Variants in ATP2B1 observed in about 807,000 individuals in gnomAD.
ATP2B1 encodes ATPase plasma membrane Ca2+ transporting 1.
ATP2B1 carries 14 observed loss-of-function variants against 124.2 expected under a neutral mutation model. The observed-to-expected ratio is 0.11, with a 90% CI of 0.07 to 0.18. The LOEUF (loss-of-function observed/expected upper bound fraction) is 0.18. ATP2B1 is among the 10% of genes least tolerant of loss of function. ATP2B1 has a pLI of 1.00. For missense variants in ATP2B1, 763 were observed against 1,466.1 expected (o/e 0.52, Z 7.83); for synonymous variants, 449 against 492.4 (o/e 0.91, Z 1.17).
intron 1 of ATP2B1, among the ~76,000 whole-genome samples, chr12:89,674,108 T>C (rs940203009): frequency 6.6e-6 from 1 of 152,166 alleles, no homozygotes; most frequent in African/African-American, 2.4e-5. Flanking sequence ...ATGGTAGGTG[T>C]TGGGGACACA....
At chr12:89,643,065 T>TACACAC (rs145355576) in intron 2 of ATP2B1, among the ~76,000 whole-genome samples, 18,759 of 143,522 alleles carry the variant, frequency 0.13, 1,524 homozygotes, top group South Asian at 0.33. Context: ...TAAAGATACA[T>TACACAC]ACACACACAC....
At chr12:89,632,842 G>A (rs79520349) in intron 5 of ATP2B1, among the ~76,000 whole-genome samples, 186 of 152,244 alleles carry the variant, frequency 1.2e-3, no homozygotes, top group African/African-American at 4.4e-3. Context: ...AATTTATAGA[G>A]TTCTCCTGGT....
At chr12:89,633,275 G>A (rs543559800) in intron 5 of ATP2B1, among the ~76,000 whole-genome samples, 2 of 151,926 alleles carry the variant, frequency 1.3e-5, no homozygotes, top group African/African-American at 4.8e-5. Context: ...TCCAAACAGG[G>A]TGTGAATGTT....
At chr12:89,703,025 T>C (rs1163901938) in intron 1 of ATP2B1, among the ~76,000 whole-genome samples, 2 of 152,214 alleles carry the variant, frequency 1.3e-5, no homozygotes, top group Non-Finnish European at 2.9e-5. Context: ...TTACAAGCTA[T>C]GATTCCTAAA....
At chr12:89,675,286 T>C (rs1888469573) in intron 1 of ATP2B1, among the ~76,000 whole-genome samples, 1 of 152,184 alleles carries the variant, frequency 6.6e-6, no homozygotes, top group Admixed American at 6.5e-5. Context: ...GTTCTAGCAA[T>C]AAGCTTATAC....
At chr12:89,621,943 T>G (rs1250203997) in intron 9 of ATP2B1, 152 bp from the exon 10 acceptor site, 25 of 816,048 alleles carry the variant, frequency 3.1e-5, no homozygotes, top group Non-Finnish European at 4.2e-5. Context: ...CTGAAATTTT[T>G]TTTTTTTTAG....
chr12:89,610,293 G>C (rs916725867), intron 14 of ATP2B1, 128 bp downstream of exon 14: 7 of 871,500 alleles, frequency 8.0e-6, no homozygotes, highest in East Asian at 2.5e-5. Flanking sequence ...CAAAGGAAAT[G>C]TATTTAGATT....
At chr12:89,634,240 T>C (rs947171098) in intron 5 of ATP2B1, among the ~76,000 whole-genome samples, 1 of 152,134 alleles carries the variant, frequency 6.6e-6, no homozygotes, top group Non-Finnish European at 1.5e-5. Flanking sequence ...CTGCTAGACC[T>C]ACTCTTGGTT....
intron 2 of ATP2B1, among the ~76,000 whole-genome samples, chr12:89,654,358 C>T (rs534212554): frequency 2.0e-5 from 3 of 152,286 alleles, no homozygotes; most frequent in Non-Finnish European, 4.4e-5. Flanking sequence ...TGGGATCAAT[C>T]TTGTAGTAAT....
At chr12:89,686,780 G>A (rs1254660930) in intron 1 of ATP2B1, among the ~76,000 whole-genome samples, 2 of 152,018 alleles carry the variant, frequency 1.3e-5, no homozygotes, top group Non-Finnish European at 2.9e-5. Flanking sequence ...GTATAAACAT[G>A]CACAGATGCA....
chr12:89,707,013 C>T (rs1892533364), intron 1 of ATP2B1, among the ~76,000 whole-genome samples: 1 of 63,558 alleles, frequency 1.6e-5, no homozygotes, highest in East Asian at 4.6e-4. Context: ...ATCAAAGGTT[C>T]CCAATTAAAA....
chr12:89,591,696 A>C (rs542471244), intron 20 of ATP2B1, among the ~76,000 whole-genome samples: 1 of 152,146 alleles, frequency 6.6e-6, no homozygotes, highest in African/African-American at 2.4e-5. Flanking sequence ...TAAGTTAAAC[A>C]AAATCAAGCA....
intron 9 of ATP2B1, among the ~76,000 whole-genome samples, chr12:89,622,003 G>A (rs537975205): frequency 3.3e-5 from 5 of 151,686 alleles, no homozygotes; most frequent in African/African-American, 1.2e-4. Flanking sequence ...AGCTTTCTGG[G>A]GTTTCAATCA....
intron 2 of ATP2B1, among the ~76,000 whole-genome samples, chr12:89,652,208 T>G (rs1885346773): frequency 1.3e-5 from 2 of 152,236 alleles, no homozygotes; most frequent in Admixed American, 6.5e-5. Flanking sequence ...AAATGCCTAC[T>G]GCGTGGCAGA....
chr12:89,643,202 GTGTGTATA>G (rs1157869334), intron 2 of ATP2B1, among the ~76,000 whole-genome samples: 28 of 150,138 alleles, frequency 1.9e-4, no homozygotes, highest in African/African-American at 3.4e-4. Context: ...ATGTATATAT[GTGTGTATA>G]TGTGTATATA....
At chr12:89,620,341 G>A in intron 10 of ATP2B1, 101 bp from the exon 11 acceptor site, 1 of 1,370,760 alleles carries the variant, frequency 7.3e-7, no homozygotes, top group South Asian at 1.4e-5. Flanking sequence ...AAATTACAAA[G>A]CAATTGTCTA....
At chr12:89,633,699 AT>A (rs1882258492) in intron 5 of ATP2B1, among the ~76,000 whole-genome samples, 1 of 152,094 alleles carries the variant, frequency 6.6e-6, no homozygotes, top group Non-Finnish European at 1.5e-5. Context: ...TAAAGTTGTG[AT>A]TCTAACTTAA....
chr12:89,624,072 T>C (rs528885687), intron 9 of ATP2B1, 111 bp downstream of exon 9: 4 of 906,306 alleles, frequency 4.4e-6, no homozygotes, highest in East Asian at 5.3e-5. Flanking sequence ...AGTGTACATT[T>C]ATATGAAAGT....
Position 89,604,361 on chromosome 12 carries a change from T to G in ATP2B1, c.2443-15A>C, listed in dbSNP as rs1403569678. 5 of 1,573,836 alleles carry G rather than the reference T, an allele frequency of 3.2e-6. No homozygotes were observed. The highest frequency in any genetic ancestry group is 1.4e-5 in the African/African-American group (1 of 72,674). ...CCAGCAATACCCTGTTAAAAAAAAT[T>G]TTGTGAATTAGACTAAATGTTTTAA... On this transcript the variant is annotated splice_polypyrimidine_tract_variant and intron_variant, in intron 15 of 20. Transcript: ENST00000428670.
Sources: allele counts gnomAD v4.1 joint callset (sites outside exome capture counted in the v4.1 genomes callset), GRCh38; gene constraint gnomAD v4.1.1; transcripts MANE v1.5; gene names NCBI Gene and HGNC (gene_info 2026-07-23, HGNC 2026-07-21).